Variants in MAGI2 observed in about 807,000 individuals in gnomAD.
MAGI2 encodes the protein membrane associated guanylate kinase, WW and PDZ domain containing 2, also known as membrane-associated guanylate kinase, WW and PDZ domain-containing protein 2.
In MAGI2, 35 loss-of-function variants were observed where a neutral mutation model predicts 133.3. The ratio of observed to expected loss-of-function variants is 0.26; its 90% CI spans 0.20 to 0.35. MAGI2 has a LOEUF of 0.35. Ranked by LOEUF, MAGI2 falls within the 10% of genes least tolerant of loss-of-function variation. MAGI2 has a pLI of 1.00. For synonymous variants in MAGI2, 729 were observed against 710.6 expected, an observed-to-expected ratio of 1.03 and a Z score of -0.41; for missense variants, 1,636 against 1,863.4, an observed-to-expected ratio of 0.88 and a Z score of 2.25.
chr7:78,687,969 TAAAAAAAAAAA>T (rs72030909), intron 2 of MAGI2, among the ~76,000 whole-genome samples: 88 of 67,244 alleles, frequency 1.3e-3, no homozygotes, highest in Admixed American at 4.1e-3. Flanking sequence ...GTCCTTGCCT[TAAAAAAAAAAA>T]AAAAAAAAAA....
At chr7:78,279,032 G>A (rs182226363) in intron 9 of MAGI2, among the ~76,000 whole-genome samples, 12 of 152,260 alleles carry the variant, frequency 7.9e-5, no homozygotes, top group Non-Finnish European at 1.3e-4. Context: ...ATTAGGGCAG[G>A]GGATATGTGA....
intron 2 of MAGI2, among the ~76,000 whole-genome samples, chr7:78,955,638 CTTTTCT>C: frequency 1.3e-5 from 2 of 151,238 alleles, no homozygotes; most frequent in South Asian, 4.2e-4. Flanking sequence ...TCCCTCCCTC[CTTTTCT>C]CTCTCTCTCT....
intron 1 of MAGI2, among the ~76,000 whole-genome samples, chr7:79,225,645 T>C (rs531806521): frequency 2.4e-4 from 37 of 152,350 alleles, no homozygotes; most frequent in African/African-American, 8.4e-4. Context: ...ATAGTTCTTT[T>C]GCCTTTTTAA....
chr7:78,612,529 T>A (rs907278639), intron 3 of MAGI2, among the ~76,000 whole-genome samples: 1 of 152,182 alleles, frequency 6.6e-6, no homozygotes, highest in African/African-American at 2.4e-5. Context: ...TTTCCTCTGT[T>A]AAGGCAATAC....
chr7:79,148,903 A>T (rs1822914327), intron 1 of MAGI2, among the ~76,000 whole-genome samples: 1 of 146,276 alleles, frequency 6.8e-6, no homozygotes, highest in East Asian at 2.0e-4. Context: ...TATATATGTA[A>T]TTATTTGCTC....
intron 2 of MAGI2, among the ~76,000 whole-genome samples, chr7:79,003,163 A>C (rs1807066055): frequency 6.6e-6 from 1 of 151,952 alleles, no homozygotes; most frequent in Non-Finnish European, 1.5e-5. Context: ...CCACAACTAG[A>C]TTGACTGAGT....
Position 79,049,447 on chromosome 7 carries a change from G to C in MAGI2, c.302-42241C>G, listed in dbSNP as rs560926693. ...CTTTATACGTAGAGAATAAAAATGA[G>C]GCTGAGAAGTTATACACAGGCTAGA... On this transcript the variant is annotated intron_variant, in intron 1 of 21. Transcript: ENST00000354212. 5.4e-4 allele frequency among the ~76,000 whole-genome samples: 82 copies of C among 152,160 alleles called. 1 individual carries two copies. The highest frequency in any genetic ancestry group is 1.9e-3 in the African/African-American group (80 of 41,522).
At chr7:78,367,100 A>AACACACACACAAACACACACAC (rs1793455711) in intron 7 of MAGI2, among the ~76,000 whole-genome samples, 2 of 146,786 alleles carry the variant, frequency 1.4e-5, no homozygotes, top group Admixed American at 1.4e-4. Flanking sequence ...AATGTAGGCA[A>AACACACACACAAACACACACAC]ACACACACAC....
intron 1 of MAGI2, among the ~76,000 whole-genome samples, chr7:79,310,048 C>G (rs149107265): frequency 1.4e-5 from 2 of 147,176 alleles, no homozygotes; most frequent in East Asian, 4.0e-4. Context: ...TCCTGTAATC[C>G]CAGCTACTTG....
chr7:78,127,310 C>T lies in MAGI2; in HGVS notation c.3310G>A (p.Gly1104Arg), dbSNP rs770632285. 5.3e-5 allele frequency: 86 copies of T among 1,611,950 alleles called. 2 individuals are homozygous for T. In the East Asian group the frequency reaches 1.9e-3, roughly 36 times the overall value. The change falls in exon 19 of 22, where the codon GGG becomes AGG. Residue 1104 changes from glycine to arginine, a missense_variant. Physicochemically the swap from Gly to Arg is moderately radical, Grantham distance 125. Transcript: ENST00000354212. ...AAGGGTGGGGGCTGCTGGTAGTCCC[C>T]TCCTGGGGGTTGCCTGTAATCCAGC... ...PPLDYRQPPG[G>R]DYQQPPPLDY...
At chr7:78,374,063 T>C (rs935702199) in intron 6 of MAGI2, among the ~76,000 whole-genome samples, 15 of 152,272 alleles carry the variant, frequency 9.9e-5, no homozygotes, top group Admixed American at 4.6e-4. Context: ...CAAAAATATG[T>C]GAGTGCGTGT....
intron 3 of MAGI2, chr7:78,618,878 T>C (rs1584865176): frequency 6.6e-6 from 1 of 150,938 alleles, no homozygotes; most frequent in South Asian, 2.1e-4. Flanking sequence ...GGACGGAGGG[T>C]AGACACATCA....
intron 3 of MAGI2, among the ~76,000 whole-genome samples, chr7:78,593,116 T>C (rs1232885839): frequency 9.5e-6 from 1 of 105,184 alleles, no homozygotes; most frequent in African/African-American, 3.9e-5. Context: ...CCACCGCACC[T>C]GGCCCCTGAT....
intron 1 of MAGI2, chr7:79,411,138 T>G (rs1846112280): frequency 6.6e-6 from 1 of 152,152 alleles, no homozygotes; most frequent in African/African-American, 2.4e-5. Flanking sequence ...GATGCAATGA[T>G]ATCCTCAACC....
In MAGI2 at chr7:78,019,212, G is replaced by T; in HGVS notation, c.*103C>A. 3 of 1,351,798 alleles carry T rather than the reference G, an allele frequency of 2.2e-6. No homozygotes were observed. Among genetic ancestry groups the T allele is most frequent in the South Asian group, 1.3e-5 (1 of 77,198 alleles). The allele number at this position is 1,351,798 out of a possible 1,614,324, so 83.7% of individuals were successfully genotyped here. A position where few individuals can be genotyped will look rare whatever the true frequency, so the allele number is the denominator to read the frequency against. On this transcript the variant is annotated 3_prime_UTR_variant, in exon 22 of 22. Coordinates refer to ENST00000354212, the MANE Select transcript of MAGI2 (RefSeq NM_012301.4). ...ATGCTCCCAGGCCTTGGTGCCTCGT[G>T]GATCTATGCGTGTGACAGTGAAAAT...
chr7:78,616,156 T>C (rs528033822), intron 3 of MAGI2: 1 of 152,352 alleles, frequency 6.6e-6, no homozygotes, highest in African/African-American at 2.4e-5. Flanking sequence ...CCTTTACATT[T>C]CTTTAATGAG....
At chr7:79,299,554 C>CAAAAA (rs57740248) in intron 1 of MAGI2, among the ~76,000 whole-genome samples, 18,518 of 84,424 alleles carry the variant, frequency 0.22, 5,258 homozygotes, top group African/African-American at 0.37. Flanking sequence ...GACTCCATCT[C>CAAAAA]AAAAAAAAAA....
chr7:79,074,793 G>T (rs2129541488), intron 1 of MAGI2, among the ~76,000 whole-genome samples: 1 of 152,276 alleles, frequency 6.6e-6, no homozygotes, highest in South Asian at 2.1e-4. Flanking sequence ...AGGACTATTT[G>T]CAGTATAATT....
intron 2 of MAGI2, among the ~76,000 whole-genome samples, chr7:78,727,751 T>C (rs1820959259): frequency 6.6e-6 from 1 of 152,204 alleles, no homozygotes; most frequent in African/African-American, 2.4e-5. Flanking sequence ...AATGCTCAGT[T>C]GGTTAGTCGC....
Sources: gnomAD v4.1 joint callset for allele counts (sites outside exome capture counted in the v4.1 genomes callset) on GRCh38, gnomAD v4.1.1 for gene constraint, MANE v1.5 for transcripts, NCBI Gene and HGNC (gene_info 2026-07-23, HGNC 2026-07-21) for gene names.